PLEC: variants seen among roughly 807,000 people sequenced by gnomAD.
The protein encoded by PLEC is hemidesmosomal protein 1.
Under a neutral mutation model 392.8 loss-of-function variants are expected in PLEC, and 216 were observed. The ratio of observed to expected loss-of-function variants is 0.55; its 90% CI spans 0.49 to 0.62. The LOEUF (loss-of-function observed/expected upper bound fraction) is 0.62. Ranked by LOEUF, PLEC falls within the 20% of genes least tolerant of loss-of-function variation. PLEC has a pLI of 0.00. For synonymous variants in PLEC, 3,621 were observed against 2,980.6 expected (o/e 1.21, Z -7.00); for missense variants, 6,863 against 6,563.4 (o/e 1.05, Z -1.58).
At chr8:143,957,556 A>G (rs527651060), upstream of PLEC, among the ~76,000 whole-genome samples, 1 of 152,268 alleles carries the variant, frequency 6.6e-6, no homozygotes, top group South Asian at 2.1e-4. Context: ...GGACCCCAGA[A>G]CCAAGGTTGA....
chr8:143,940,415 C>A (rs1830232348), upstream of PLEC, among the ~76,000 whole-genome samples: 1 of 152,238 alleles, frequency 6.6e-6, no homozygotes. Context: ...AGAGGGGAAG[C>A]CACACCTGAG....
upstream of PLEC, chr8:143,944,095 G>A (rs1831042111): frequency 6.0e-6 from 4 of 663,902 alleles, no homozygotes; most frequent in Admixed American, 3.0e-5. Context: ...CGCGGGTCCG[G>A]CCCTCGGCGC....
chr8:143,922,460 G>A (rs782562396), intron 31 of PLEC, 44 bp downstream of exon 31: 5 of 1,601,620 alleles, frequency 3.1e-6, no homozygotes, highest in Non-Finnish European at 4.2e-6. Flanking sequence ...CACCAAAGCA[G>A]ATCCCCGGGC....
rs782113438 is a variant in PLEC at position 143,921,590 on chromosome 8, C to T, written c.8231G>A (p.Arg2744Gln). 14 of 1,612,412 alleles carry T rather than the reference C, an allele frequency of 8.7e-6. No individual in the cohort carries two copies. The highest frequency in any genetic ancestry group is 6.6e-5 in the South Asian group (6 of 91,034). Reference protein sequence around the residue: ...AASGFLLDPVRNRRLTVNEAV... With the variant: ...AASGFLLDPVQNRRLTVNEAV... Reference sequence around the variant, plus strand: ...CTCGTTGACGGTCAGCCGCCGGTTCCGCACAGGGTCCAGCAGGAAGCCTGA... The same window carrying T: ...CTCGTTGACGGTCAGCCGCCGGTTCTGCACAGGGTCCAGCAGGAAGCCTGA... The change falls in exon 32 of 32, where the codon CGG becomes CAG. Residue 2744 changes from arginine to glutamine, a missense_variant. Transcript: ENST00000345136.
chr8:143,918,644 G>A lies in PLEC; in HGVS notation c.11177C>T (p.Ala3726Val), dbSNP rs1554675864. The change falls in exon 32 of 32, where the codon GCA becomes GTA. Residue 3726 changes from alanine to valine, a missense_variant. Physicochemically the swap from Ala to Val is moderately conservative, Grantham distance 64. Transcript: ENST00000345136. The stretch of plus-strand genomic sequence containing the variant: ...CAGCAGGAAGCCTGTGGCTGCCTGT[G>A]CCTCCAGCAGCAGGCGGGCCACCTC... ...SAEVARLLLE[A>V]QAATGFLLDP... is the part of the protein sequence containing the mutation. The A allele has an allele frequency of 6.2e-7, 1 of 1,612,836 alleles. No individual in the cohort carries two copies. The highest frequency in any genetic ancestry group is 2.2e-5 in the East Asian group (1 of 44,854).
chr8:143,956,413 A>G (rs1317202796), upstream of PLEC, among the ~76,000 whole-genome samples: 1 of 152,192 alleles, frequency 6.6e-6, no homozygotes, highest in African/African-American at 2.4e-5. Flanking sequence ...GCAAAAAACT[A>G]AAAAACTATC....
At chr8:143,961,230 CT>C (rs370018306) in intron 1 of PLEC, among the ~76,000 whole-genome samples, 135 of 146,952 alleles carry the variant, frequency 9.2e-4, no homozygotes, top group Non-Finnish European at 8.6e-4. Flanking sequence ...CCAGAAATTC[CT>C]TTTTTTTTTT....
In PLEC at chr8:143,915,250, C is replaced by T. The variant is rs1156445990; in HGVS notation, c.*927G>A. The T allele has an allele frequency of 2.0e-5, 3 of 152,560 alleles. No homozygotes were observed. Among genetic ancestry groups the T allele is most frequent in the African/African-American group, 7.2e-5 (3 of 41,470 alleles). 9.5% of individuals were successfully genotyped at this position (152,560 alleles called of 1,614,324 possible). ...TGCAGAGGCGCCAGCAGCCTGACAC[C>T]TCCACCTGCCACCCGCCCGGGGTTA... On this transcript the variant is annotated 3_prime_UTR_variant, in exon 32 of 32. Coordinates refer to ENST00000345136, the MANE Select transcript of PLEC (RefSeq NM_201384.3).
chr8:143,915,674 TG>T lies in PLEC; in HGVS notation c.*502del. On this transcript the variant is annotated 3_prime_UTR_variant, in exon 32 of 32. Transcript: ENST00000345136. ...GGAAAGCACAGATCAGACAGCACTG[TG>T]GGGGCTGGGCCCGAGGGCCTCGTCT... 1 of 153,752 alleles carries T rather than the reference TG, an allele frequency of 6.5e-6. No individual in the cohort carries two copies. The highest frequency in any genetic ancestry group is 1.9e-4 in the East Asian group (1 of 5,200). The allele number at this position is 153,752 out of a possible 1,614,324, so 9.5% of individuals were successfully genotyped here.
rs782070379 is a variant in PLEC at position 143,924,166 on chromosome 8, C to T, written c.5763G>A (p.Arg1921=). The change falls in exon 31 of 32, where the codon CGG becomes CGA. Residue 1921 remains arginine, a synonymous_variant. Transcript: ENST00000345136. ...GCGCCAGGATCTCCTCCTCCACCTG[C>T]CGCCGCTGCCTCAGCGTGTCCTCCA... ...GLVEDTLRQR[R]QVEEEILALK... 11 of 1,599,086 alleles carry T rather than the reference C, an allele frequency of 6.9e-6. No homozygotes were observed. The East Asian group carries it at 2.2e-4, about 32-fold the overall frequency.
Position 143,937,011 on chromosome 8 carries a change from C to A in PLEC, c.403G>T (p.Gly135Cys). The change falls in exon 5 of 32, where the codon GGC becomes TGC. Residue 135 changes from glycine to cysteine, a missense_variant. By Grantham distance (159) the Gly-to-Cys change is radical (BLOSUM62 -3). Transcript: ENST00000345136. ...TGCAGAATGATTGTCCAGATGAGGCCAAGGGTCAGCTTGGGGTTGCCGTCA... is the reference window on the plus strand; with the variant it reads ...TGCAGAATGATTGTCCAGATGAGGCAAAGGGTCAGCTTGGGGTTGCCGTCA... ...IADGNPKLTL[G>C]LIWTIILHFQ... is the part of the protein sequence containing the mutation. The A allele has an allele frequency of 6.2e-7, 1 of 1,613,048 alleles. No individual in the cohort carries two copies. Among genetic ancestry groups the A allele is most frequent in the South Asian group, 1.1e-5 (1 of 91,090 alleles).
chr8:143,950,971 G>C, upstream of PLEC: 1 of 634,728 alleles, frequency 1.6e-6, no homozygotes, highest in Non-Finnish European at 2.5e-6. Context: ...GGCCCCCTCT[G>C]ACTCAGCAGC....
chr8:143,936,347 G>A (rs1204870419), intron 5 of PLEC, among the ~76,000 whole-genome samples: 5 of 152,206 alleles, frequency 3.3e-5, no homozygotes, highest in Non-Finnish European at 1.5e-5. Context: ...TCCCGGAGCT[G>A]GGATGGAGCA....
rs200798987 is a variant in PLEC at position 143,934,727 on chromosome 8, G to C, written c.949C>G (p.Leu317Val). ...TTAAACTTCAGGAACTGAGACCACA[G>C]GATCTGCCAGGGACGAGGCTGTCGG... ...FPSSFEEIEI[L>V]WSQFLKFKEM... The change falls in exon 10 of 32, where the codon CTG becomes GTG. Residue 317 changes from leucine (L) to valine (V), a missense_variant. Transcript: ENST00000345136. 9.9e-6 allele frequency: 16 copies of C among 1,612,316 alleles called. No individual in the cohort carries two copies. Among genetic ancestry groups the C allele is most frequent in the Non-Finnish European group, 1.7e-6 (2 of 1,179,934 alleles).
chr8:143,948,511 TC>T (rs1464151496), intron 1 of PLEC, among the ~76,000 whole-genome samples: 11 of 152,242 alleles, frequency 7.2e-5, no homozygotes, highest in African/African-American at 2.6e-4. Context: ...TAGCTTCCCA[TC>T]CCAAGCTCAG....
At chr8:143,966,873 C>T (rs183418748) in intron 1 of PLEC, among the ~76,000 whole-genome samples, 2 of 152,294 alleles carry the variant, frequency 1.3e-5, no homozygotes, top group Admixed American at 1.3e-4. Context: ...GACATCGAGC[C>T]TCCTTGAACA....
At chr8:143,941,757 C>T (rs1830501928), upstream of PLEC, among the ~76,000 whole-genome samples, 3 of 151,864 alleles carry the variant, frequency 2.0e-5, no homozygotes, top group South Asian at 4.2e-4. Flanking sequence ...CTACACCCAC[C>T]CTCTACAGCT....
intron 1 of PLEC, among the ~76,000 whole-genome samples, chr8:143,968,325 C>T (rs1833222661): frequency 6.6e-6 from 1 of 151,718 alleles, no homozygotes; most frequent in South Asian, 2.1e-4. Context: ...TGAGGTGGCT[C>T]ACGCTGTAAT....
At chr8:143,941,075 G>C (rs1830371918), upstream of PLEC, among the ~76,000 whole-genome samples, 1 of 152,192 alleles carries the variant, frequency 6.6e-6, no homozygotes, top group Admixed American at 6.5e-5. Context: ...CACCTCTGCC[G>C]CCCCTCCCTG....
Sources: allele counts gnomAD v4.1 joint callset (sites outside exome capture counted in the v4.1 genomes callset), GRCh38; gene constraint gnomAD v4.1.1; transcripts MANE v1.5; gene names NCBI Gene and HGNC (gene_info 2026-07-23, HGNC 2026-07-21).